Variants in CNOT2 observed in about 807,000 individuals in gnomAD.
CNOT2 encodes CCR4-NOT transcription complex subunit 2, also known as CC chemokine receptor 4-negative regulator of transcription 2.
CNOT2 carries 7 observed loss-of-function variants against 72.1 expected under a neutral mutation model. The observed-to-expected ratio is 0.10, with a 90% CI of 0.06 to 0.18. The LOEUF is 0.18. Ranked by LOEUF, CNOT2 falls within the 10% of genes least tolerant of loss-of-function variation. CNOT2 has a pLI of 1.00. For missense variants in CNOT2, 345 were observed against 660.3 expected (o/e 0.52, Z 5.23); for synonymous variants, 196 against 225.6 (o/e 0.87, Z 1.17).
chr12:70,309,277 T>C (rs918251916), intron 2 of CNOT2, among the ~76,000 whole-genome samples: 2 of 152,162 alleles, frequency 1.3e-5, no homozygotes, highest in African/African-American at 4.8e-5. Context: ...AAAAAATATC[T>C]TTGTATATTT....
In CNOT2 at chr12:70,279,990, T is replaced by C. The variant is rs1362942764; in HGVS notation, c.48+1716T>C. The stretch of plus-strand genomic sequence containing the variant: ...AAATGTTTTCCCTTTTCTCTCTTCG[T>C]TTATTGATACATAATTGTACGTATT... On this transcript the variant is annotated intron_variant, in intron 2 of 15. Coordinates refer to ENST00000229195, the MANE Select transcript of CNOT2 (RefSeq NM_014515.7). Among the ~76,000 whole-genome samples the C allele has an allele frequency of 2.0e-5, 3 of 152,194 alleles. No individual in the cohort carries two copies. The East Asian group carries it at 5.8e-4, about 29-fold the overall frequency.
At chr12:70,335,357 G>T (rs565460226) in intron 7 of CNOT2, 81 bp from the exon 8 acceptor site, 3 of 1,067,096 alleles carry the variant, frequency 2.8e-6, no homozygotes, top group Non-Finnish European at 4.3e-6. Context: ...CAATCATTTC[G>T]AATTATATTA....
At chr12:70,283,779 G>C (rs1241798801) in intron 2 of CNOT2, among the ~76,000 whole-genome samples, 1 of 151,924 alleles carries the variant, frequency 6.6e-6, no homozygotes, top group African/African-American at 2.4e-5. Flanking sequence ...AAAGTAAAGG[G>C]GTAGAATGAC....
rs1324248636 is a variant in CNOT2 at position 70,287,845 on chromosome 12, T to G, written c.48+9571T>G. Among the ~76,000 whole-genome samples the G allele has an allele frequency of 3.3e-5, 5 of 149,980 alleles. 1 individual carries two copies. The highest frequency in any genetic ancestry group is 5.9e-5 in the Non-Finnish European group (4 of 67,626). ...TGTATATTAAGCTATCATTTCATGT[T>G]TCTTAGAACTCTGGGAATTCTTTGA... On this transcript the variant is annotated intron_variant, in intron 2 of 15. Transcript: ENST00000229195.
At chr12:70,261,834 ATTT>A (rs768517174) in intron 1 of CNOT2, among the ~76,000 whole-genome samples, 3 of 139,202 alleles carry the variant, frequency 2.2e-5, no homozygotes, top group East Asian at 2.1e-4. Context: ...TGGGCCTGAG[ATTT>A]TTTTTTTTTT....
intron 2 of CNOT2, among the ~76,000 whole-genome samples, chr12:70,290,258 T>C (rs951666980): frequency 2.0e-5 from 3 of 151,966 alleles, no homozygotes; most frequent in African/African-American, 7.3e-5. Flanking sequence ...CTTCTGGTAG[T>C]TTCCTTCCAT....
At chr12:70,257,696 C>T (rs192183293) in intron 1 of CNOT2, among the ~76,000 whole-genome samples, 234 of 152,158 alleles carry the variant, frequency 1.5e-3, no homozygotes, top group African/African-American at 5.6e-3. Context: ...GTAGACTCTT[C>T]TTCCCTAGCA....
chr12:70,334,204 A>T (rs1176576831), intron 7 of CNOT2, among the ~76,000 whole-genome samples: 1 of 152,054 alleles, frequency 6.6e-6, no homozygotes, highest in Non-Finnish European at 1.5e-5. Flanking sequence ...TGACTCATTT[A>T]TAATCAAAGA....
chr12:70,249,873 G>A (rs968604974), intron 1 of CNOT2, among the ~76,000 whole-genome samples: 10 of 152,092 alleles, frequency 6.6e-5, no homozygotes, highest in Middle Eastern at 3.4e-3. Flanking sequence ...ATCATATGCC[G>A]AACAGATTAC....
chr12:70,284,542 G>A (rs1204665142), intron 2 of CNOT2, among the ~76,000 whole-genome samples: 1 of 150,390 alleles, frequency 6.6e-6, no homozygotes, highest in Admixed American at 6.6e-5. Flanking sequence ...CCACTGTGCC[G>A]ACCTAATCTA....
intron 15 of CNOT2, among the ~76,000 whole-genome samples, chr12:70,350,337 A>G (rs1882720083): frequency 6.6e-6 from 1 of 152,214 alleles, no homozygotes; most frequent in Admixed American, 6.5e-5. Flanking sequence ...ACAGTCTGAT[A>G]TAAATGTGAT....
intron 13 of CNOT2, 157 bp from the exon 14 acceptor site, chr12:70,343,971 C>G (rs892433955): frequency 2.6e-5 from 12 of 454,624 alleles, no homozygotes; most frequent in Non-Finnish European, 4.3e-5. Context: ...CTTTTAGAAT[C>G]TTAACTACCT....
At chr12:70,302,167 T>G (rs1220270286) in intron 2 of CNOT2, among the ~76,000 whole-genome samples, 1 of 152,210 alleles carries the variant, frequency 6.6e-6, no homozygotes, top group Non-Finnish European at 1.5e-5. Flanking sequence ...AAAAACCAGC[T>G]CCTGGATTCA....
At chr12:70,348,400 C>G (rs2136087123) in intron 15 of CNOT2, among the ~76,000 whole-genome samples, 1 of 152,198 alleles carries the variant, frequency 6.6e-6, no homozygotes, top group African/African-American at 2.4e-5. Context: ...TAACAAGCTC[C>G]TAAGTGACGG....
chr12:70,344,077 GGATTTGCA>G, intron 13 of CNOT2, 43 bp from the exon 14 acceptor site: 1 of 1,295,250 alleles, frequency 7.7e-7, no homozygotes, highest in African/African-American at 1.5e-5. Context: ...CTATATATTA[GGATTTGCA>G]GATTTGTTTT....
intron 8 of CNOT2, 51 bp from the exon 9 acceptor site, chr12:70,337,338 A>G (rs769187626): frequency 1.3e-6 from 2 of 1,516,128 alleles, no homozygotes; most frequent in African/African-American, 2.7e-5. Context: ...AATCTGTAGC[A>G]AAATATCATA....
intron 4 of CNOT2, 93 bp from the exon 5 acceptor site, chr12:70,329,330 A>AT: frequency 1.0e-6 from 1 of 953,026 alleles, no homozygotes; most frequent in Non-Finnish European, 1.7e-6. Flanking sequence ...ATGTTAGGTC[A>AT]TTAAAAGTGT....
chr12:70,317,021 G>A (rs537157448), intron 3 of CNOT2, among the ~76,000 whole-genome samples: 377 of 152,242 alleles, frequency 2.5e-3, no homozygotes, highest in Non-Finnish European at 4.0e-3. Flanking sequence ...ATGTTGGCCA[G>A]CATCTTATAT....
intron 1 of CNOT2, 27 bp from the exon 2 acceptor site, chr12:70,278,105 G>T (rs989991768): frequency 9.2e-5 from 59 of 641,084 alleles, no homozygotes; most frequent in Admixed American, 2.7e-5. Context: ...TAGTAATTTT[G>T]ATGGCTTTTG....
Sources: gnomAD v4.1 joint callset for allele counts (sites outside exome capture counted in the v4.1 genomes callset) on GRCh38, gnomAD v4.1.1 for gene constraint, MANE v1.5 for transcripts, NCBI Gene and HGNC (gene_info 2026-07-23, HGNC 2026-07-21) for gene names.